TRIM33: variants seen among roughly 807,000 people sequenced by gnomAD.
TRIM33 encodes the protein E3 ubiquitin-protein ligase TRIM33.
Under a neutral mutation model 125.4 loss-of-function variants are expected in TRIM33, and 20 were observed. The ratio of observed to expected loss-of-function variants is 0.16; its 90% CI spans 0.11 to 0.23. TRIM33 has a LOEUF of 0.23. Ranked by LOEUF, TRIM33 falls within the 10% of genes least tolerant of loss-of-function variation. The probability of loss-of-function intolerance (pLI) is 1.00; values close to 1 mark genes in which losing one functional copy is unlikely to be tolerated. For synonymous variants in TRIM33, 564 were observed against 513.9 expected (o/e 1.10, Z -1.32); for missense variants, 920 against 1,411.4 (o/e 0.65, Z 5.58).
chr1:114,417,763 A>G (rs569690620), intron 11 of TRIM33, among the ~76,000 whole-genome samples: 2 of 152,208 alleles, frequency 1.3e-5, no homozygotes, highest in Admixed American at 6.5e-5. Context: ...GGTTCAAGCA[A>G]TTCTCCTGCC....
chr1:114,441,675 T>C (rs1243027042), intron 4 of TRIM33, among the ~76,000 whole-genome samples: 1 of 152,220 alleles, frequency 6.6e-6, no homozygotes, highest in Non-Finnish European at 1.5e-5. Context: ...TGCAATAATT[T>C]TGCCATTTAA....
At chr1:114,430,416 G>T (rs1158099824) in intron 6 of TRIM33, among the ~76,000 whole-genome samples, 1 of 151,996 alleles carries the variant, frequency 6.6e-6, no homozygotes, top group Non-Finnish European at 1.5e-5. Context: ...GCTAATTTTT[G>T]TATTTTTTGT....
intron 6 of TRIM33, among the ~76,000 whole-genome samples, chr1:114,429,889 A>C (rs1647831293): frequency 6.6e-6 from 1 of 152,164 alleles, no homozygotes; most frequent in Non-Finnish European, 1.5e-5. Flanking sequence ...GCTAAAAATA[A>C]ATCAAATCGG....
intron 11 of TRIM33, among the ~76,000 whole-genome samples, chr1:114,414,068 C>T (rs2101121054): frequency 6.7e-6 from 1 of 150,078 alleles, no homozygotes; most frequent in East Asian, 1.9e-4. Flanking sequence ...CACACACACA[C>T]ACGTTTTTAA....
At chr1:114,479,237 A>T (rs1651155068) in intron 1 of TRIM33, among the ~76,000 whole-genome samples, 1 of 152,226 alleles carries the variant, frequency 6.6e-6, no homozygotes, top group African/African-American at 2.4e-5. Flanking sequence ...GCAAAGAAAT[A>T]GAAAAAATGT....
chr1:114,397,431 A>C lies in TRIM33; in HGVS notation c.*217T>G, dbSNP rs1192898109. On this transcript the variant is annotated 3_prime_UTR_variant, in exon 20 of 20. Coordinates refer to ENST00000358465, the MANE Select transcript of TRIM33 (RefSeq NM_015906.4). Reference sequence around the variant, plus strand: ...ATTTCACTTTTGCTTTTTGCTTTGAAACTTGCAAACAGACTTCTCTCCCCC... The same window carrying C: ...ATTTCACTTTTGCTTTTTGCTTTGACACTTGCAAACAGACTTCTCTCCCCC... 1 of 542,518 alleles carries C rather than the reference A, an allele frequency of 1.8e-6. No homozygotes were observed. Among genetic ancestry groups the C allele is most frequent in the East Asian group, 3.0e-5 (1 of 33,316 alleles). 33.6% of individuals were successfully genotyped at this position (542,518 alleles called of 1,614,324 possible). A position where few individuals can be genotyped will look rare whatever the true frequency, so the allele number is the denominator to read the frequency against.
intron 4 of TRIM33, among the ~76,000 whole-genome samples, chr1:114,438,259 T>C (rs1188412308): frequency 6.6e-6 from 1 of 152,232 alleles, no homozygotes; most frequent in South Asian, 2.1e-4. Context: ...AAATGCATCA[T>C]AGTGCTTTAT....
Position 114,397,589 on chromosome 1 carries a change from G to GTTTTTTTTTTTTTT in TRIM33, c.*45_*58dup, listed in dbSNP as rs66490349. ...CTTAAAAGTTTTCTGGGTTTTTTGT[G>GTTTTTTTTTTTTTT]TTTTTTTTTTTTTTTTCGTTTTTTT... On this transcript the variant is annotated 3_prime_UTR_variant, in exon 20 of 20. Transcript: ENST00000358465. 1.7e-5 allele frequency: 11 copies of GTTTTTTTTTTTTTT among 640,644 alleles called. No homozygotes were observed. The highest frequency in any genetic ancestry group is 3.9e-5 in the East Asian group (1 of 25,900). 39.7% of individuals were successfully genotyped at this position (640,644 alleles called of 1,614,324 possible).
chr1:114,466,993 G>A (rs929176292), intron 1 of TRIM33, among the ~76,000 whole-genome samples: 1 of 152,198 alleles, frequency 6.6e-6, no homozygotes, highest in Non-Finnish European at 1.5e-5. Flanking sequence ...CCACATTAAA[G>A]GTGAAAAAAT....
chr1:114,469,247 TG>T, intron 1 of TRIM33: 1 of 201,894 alleles, frequency 5.0e-6, no homozygotes. Flanking sequence ...CAGACTGTCA[TG>T]GGCAAGCAAG....
intron 1 of TRIM33, among the ~76,000 whole-genome samples, chr1:114,490,523 T>C (rs530838798): frequency 1.2e-4 from 19 of 152,130 alleles, no homozygotes; most frequent in Non-Finnish European, 2.1e-4. Context: ...AACCCAGCAA[T>C]TGCACTCTCA....
intron 11 of TRIM33, among the ~76,000 whole-genome samples, chr1:114,420,976 T>C (rs1653247266): frequency 6.6e-6 from 1 of 152,182 alleles, no homozygotes. Flanking sequence ...GCAATCTAAA[T>C]GTCCATCAAT....
rs1188595576 is a variant in TRIM33 at position 114,474,880 on chromosome 1, G to A, written c.527-10492C>T. On this transcript the variant is annotated intron_variant, in intron 1 of 19. Transcript: ENST00000358465. ...GTACTCCAGCCTGGGCAACAGAAGCGAAAACTCTATCTCAAAAAAAAAAAA... is the reference window on the plus strand; with the variant it reads ...GTACTCCAGCCTGGGCAACAGAAGCAAAAACTCTATCTCAAAAAAAAAAAA... Among the ~76,000 whole-genome samples the A allele has an allele frequency of 1.9e-4, 28 of 144,782 alleles. No homozygotes were observed. In the South Asian group the frequency reaches 2.6e-3, roughly 13 times the overall value. 95.0% of individuals were successfully genotyped at this position (144,782 alleles called of 152,430 possible). A position where few individuals can be genotyped will look rare whatever the true frequency, so the allele number is the denominator to read the frequency against.
chr1:114,413,380 G>T (rs948325069), intron 11 of TRIM33, among the ~76,000 whole-genome samples: 1 of 151,836 alleles, frequency 6.6e-6, no homozygotes, highest in Non-Finnish European at 1.5e-5. Flanking sequence ...CCAACATGAA[G>T]AAACCCCGTC....
At chr1:114,410,867 T>C (rs1339771820) in intron 11 of TRIM33, among the ~76,000 whole-genome samples, 1 of 152,146 alleles carries the variant, frequency 6.6e-6, no homozygotes, top group Non-Finnish European at 1.5e-5. Flanking sequence ...ATAACTATGA[T>C]TCTGGGCTGG....
chr1:114,410,041 A>T, intron 12 of TRIM33, 143 bp downstream of exon 12: 1 of 1,093,864 alleles, frequency 9.1e-7, no homozygotes, highest in Non-Finnish European at 1.3e-6. Context: ...CCAATTCCTT[A>T]AAATAAATCT....
At chr1:114,492,609 C>A (rs1444866630) in intron 1 of TRIM33, among the ~76,000 whole-genome samples, 3 of 152,164 alleles carry the variant, frequency 2.0e-5, no homozygotes, top group Non-Finnish European at 2.9e-5. Flanking sequence ...CCCTTGGTAA[C>A]CTCTAGTCTA....
Position 114,397,631 on chromosome 1 carries a change from T to A in TRIM33, c.*17A>T. On this transcript the variant is annotated 3_prime_UTR_variant, in exon 20 of 20. Transcript: ENST00000358465. ...CGTTTTTTTTTTTTTAAACAATTGA[T>A]TTAAATCCATGTCATTTTACTTTAT... 2.2e-6 allele frequency: 3 copies of A among 1,358,206 alleles called. No homozygotes were observed. Among genetic ancestry groups the A allele is most frequent in the Non-Finnish European group, 3.1e-6 (3 of 955,452 alleles). 84.1% of individuals were successfully genotyped at this position (1,358,206 alleles called of 1,614,324 possible). A position where few individuals can be genotyped will look rare whatever the true frequency, so the allele number is the denominator to read the frequency against.
At chr1:114,420,598 G>T in intron 11 of TRIM33, 1 of 407,648 alleles carries the variant, frequency 2.5e-6, no homozygotes, top group Non-Finnish European at 4.8e-6. Flanking sequence ...GAGGAATGCT[G>T]GTTTTAGCTA....
Sources: gnomAD v4.1 joint callset for allele counts (sites outside exome capture counted in the v4.1 genomes callset) on GRCh38, gnomAD v4.1.1 for gene constraint, MANE v1.5 for transcripts, NCBI Gene and HGNC (gene_info 2026-07-23, HGNC 2026-07-21) for gene names.